NRXN3: variants seen among roughly 807,000 people sequenced by gnomAD.
The protein encoded by NRXN3 is neurexin 3, also known as neurexin III.
NRXN3 carries 32 observed loss-of-function variants against 137.6 expected under a neutral mutation model. The observed-to-expected ratio is 0.23, with a 90% confidence interval of 0.18 to 0.31. The LOEUF is 0.31. Ranked by LOEUF, NRXN3 falls within the 10% of genes least tolerant of loss-of-function variation. NRXN3 has a pLI of 1.00. For missense variants in NRXN3, 1,574 were observed against 2,062.5 expected (o/e 0.76, Z 4.59); for synonymous variants, 798 against 784.5 (o/e 1.02, Z -0.29).
At chr14:78,531,764 A>G (rs976820084) in intron 4 of NRXN3, among the ~76,000 whole-genome samples, 1 of 152,120 alleles carries the variant, frequency 6.6e-6, no homozygotes, top group Non-Finnish European at 1.5e-5. Flanking sequence ...AATACTTTTT[A>G]TTTAACCTTC....
chr14:78,408,889 G>A (rs1164350960), intron 4 of NRXN3, among the ~76,000 whole-genome samples: 1 of 152,218 alleles, frequency 6.6e-6, no homozygotes, highest in Non-Finnish European at 1.5e-5. Flanking sequence ...GAGCTGTCCT[G>A]GAATAGCTTC....
intron 17 of NRXN3, among the ~76,000 whole-genome samples, chr14:79,691,781 G>T (rs966995059): frequency 6.6e-6 from 1 of 151,996 alleles, no homozygotes; most frequent in Non-Finnish European, 1.5e-5. Flanking sequence ...ACTGTGGAGC[G>T]AGGGTCCCGT....
At chr14:78,582,367 A>C (rs773746110) in intron 4 of NRXN3, among the ~76,000 whole-genome samples, 9 of 152,222 alleles carry the variant, frequency 5.9e-5, no homozygotes, top group Middle Eastern at 3.2e-3. Flanking sequence ...TTTTACCAAA[A>C]GGGCAGCAGC....
chr14:78,794,665 C>T lies in NRXN3; in HGVS notation c.2045-8955C>T, dbSNP rs58586783. ...AATATATATATGCTTAGAAAAGTAC[C>T]TAGAAATATGCCTCTCTACTGTTAA... On this transcript the variant is annotated intron_variant, in intron 8 of 20. Transcript: ENST00000335750. Among the ~76,000 whole-genome samples the T allele has an allele frequency of 0.017, 2,544 of 150,468 alleles. 126 individuals are homozygous for T. The East Asian group carries it at 0.19, about 11-fold the overall frequency.
chr14:79,527,602 G>A (rs567177187), intron 16 of NRXN3, among the ~76,000 whole-genome samples: 85 of 152,154 alleles, frequency 5.6e-4, no homozygotes, highest in African/African-American at 1.9e-3. Context: ...GCCAGGCATG[G>A]TGGCTCATGC....
intron 15 of NRXN3, among the ~76,000 whole-genome samples, chr14:79,317,012 C>G (rs1598633210): frequency 1.3e-5 from 2 of 152,052 alleles, no homozygotes; most frequent in African/African-American, 4.8e-5. Flanking sequence ...AGGCAGATCA[C>G]TTGAGGTCAG....
intron 16 of NRXN3, among the ~76,000 whole-genome samples, chr14:79,514,613 A>G (rs1272427147): frequency 6.6e-6 from 1 of 152,192 alleles, no homozygotes; most frequent in Non-Finnish European, 1.5e-5. Flanking sequence ...CATTCTGTTA[A>G]TATATGAATT....
chr14:79,831,864 C>T (rs2099324833), intron 20 of NRXN3, among the ~76,000 whole-genome samples: 2 of 152,126 alleles, frequency 1.3e-5, no homozygotes, highest in South Asian at 2.1e-4. Flanking sequence ...GTTTACTTTG[C>T]TCCGAGTTTT....
rs1057257033 is a variant in NRXN3, at chr14:79,624,202, C to T, written c.3445-39576C>T. 9.2e-5 allele frequency among the ~76,000 whole-genome samples: 14 copies of T among 152,150 alleles called. No individual in the cohort carries two copies. The East Asian group carries it at 9.6e-4, about 10-fold the overall frequency. ...AAATTCAAAAGACACCAAAGAGCCA[C>T]GTTATTGTCCCCTCACAGGGAGCTC... On this transcript the variant is annotated intron_variant, in intron 16 of 20. Coordinates refer to ENST00000335750, the MANE Select transcript of NRXN3 (RefSeq NM_001330195.2).
chr14:79,487,883 A>C (rs918468349), intron 16 of NRXN3, among the ~76,000 whole-genome samples: 14 of 152,182 alleles, frequency 9.2e-5, no homozygotes, highest in African/African-American at 3.4e-4. Context: ...ATTAGATTGC[A>C]TGTTAGCTCT....
In NRXN3 at chr14:78,648,498, C is replaced by A. The variant is rs1345326916; in HGVS notation, c.1060-2667C>A. ...TCTGGCCAAGTAAACAAATTAATGA[C>A]CTTATTGAGTAATAAAGAAGATTCT... On this transcript the variant is annotated intron_variant, in intron 5 of 20. Transcript: ENST00000335750. Among the ~76,000 whole-genome samples the A allele has an allele frequency of 2.6e-5, 4 of 152,244 alleles. No homozygotes were observed. In the East Asian group the frequency reaches 7.7e-4, roughly 29 times the overall value.
rs140348098 is a variant in NRXN3 at position 78,620,412 on chromosome 14, C to T, written c.758-24708C>T. Among the ~76,000 whole-genome samples the T allele has an allele frequency of 2.6e-3, 390 of 152,288 alleles. 4 individuals carry two copies. Among genetic ancestry groups the T allele is most frequent in the African/African-American group, 8.8e-3 (365 of 41,562 alleles). On this transcript the variant is annotated intron_variant, in intron 4 of 20. Coordinates refer to ENST00000335750, the MANE Select transcript of NRXN3 (RefSeq NM_001330195.2). ...CTGATTTATTCCCCCTCCTCCCTCACGTCTTTGTTCACAGTAAACACATCA... is the reference window on the plus strand; with the variant it reads ...CTGATTTATTCCCCCTCCTCCCTCATGTCTTTGTTCACAGTAAACACATCA...
chr14:78,935,549 G>T (rs1322547513), intron 10 of NRXN3, among the ~76,000 whole-genome samples: 1 of 152,262 alleles, frequency 6.6e-6, no homozygotes, highest in Non-Finnish European at 1.5e-5. Flanking sequence ...CAATGAAAAT[G>T]CTATGTACAC....
intron 20 of NRXN3, among the ~76,000 whole-genome samples, chr14:79,823,438 T>C (rs1270022271): frequency 1.3e-5 from 2 of 152,128 alleles, no homozygotes; most frequent in Non-Finnish European, 2.9e-5. Context: ...AAATTGGGCA[T>C]GGTGGCGCAT....
intron 16 of NRXN3, among the ~76,000 whole-genome samples, chr14:79,514,617 A>AT (rs2096964736): frequency 6.6e-6 from 1 of 152,170 alleles, no homozygotes; most frequent in African/African-American, 2.4e-5. Context: ...CTGTTAATAT[A>AT]TGAATTTAAT....
chr14:79,365,498 T>C (rs1169569384), intron 15 of NRXN3, among the ~76,000 whole-genome samples: 21 of 151,520 alleles, frequency 1.4e-4, no homozygotes, highest in Admixed American at 1.3e-3. Context: ...GGCGGGTGGA[T>C]CATGAGGTCA....
chr14:79,213,768 G>A (rs1027597808), intron 15 of NRXN3, among the ~76,000 whole-genome samples: 10 of 151,944 alleles, frequency 6.6e-5, no homozygotes, highest in South Asian at 2.1e-4. Context: ...CCATCTGCTC[G>A]GCCACATCCA....
chr14:79,752,109 C>G (rs2099000044), intron 19 of NRXN3, among the ~76,000 whole-genome samples: 5 of 152,100 alleles, frequency 3.3e-5, no homozygotes, highest in Admixed American at 3.3e-4. Flanking sequence ...GGAGGATTTC[C>G]TCTTTTTCTA....
chr14:79,643,076 G>A lies in NRXN3; in HGVS notation c.3445-20702G>A, dbSNP rs545021448. 3.7e-5 allele frequency among the ~76,000 whole-genome samples: 5 copies of A among 135,812 alleles called. 1 individual carries two copies. In the South Asian group the frequency reaches 9.1e-4, roughly 25 times the overall value. 89.1% of individuals were successfully genotyped at this position (135,812 alleles called of 152,430 possible). On this transcript the variant is annotated intron_variant, in intron 16 of 20. Transcript: ENST00000335750. ...GAAGCAGCTTGCTGCTCTGTTATTC[G>A]TGTGAACTCATATCCTTTCTCATTT...
Sources: gnomAD v4.1 joint callset for allele counts (sites outside exome capture counted in the v4.1 genomes callset) on GRCh38, gnomAD v4.1.1 for gene constraint, MANE v1.5 for transcripts, NCBI Gene and HGNC (gene_info 2026-07-23, HGNC 2026-07-21) for gene names.